Variants in DYRK3 observed in about 807,000 individuals in gnomAD.
DYRK3 encodes dual specificity tyrosine-phosphorylation-regulated kinase 3.
DYRK3 carries 30 observed loss-of-function variants against 40.8 expected under a neutral mutation model. The observed-to-expected ratio is 0.74, with a 90% CI of 0.55 to 1.00. DYRK3 has a LOEUF of 1.00. Among genes scored for constraint, DYRK3 ranks in the 50% least tolerant of loss-of-function variants. The probability of loss-of-function intolerance (pLI) is 0.00; values close to 1 mark genes in which losing one functional copy is unlikely to be tolerated. For missense variants in DYRK3, 699 were observed against 731.5 expected (o/e 0.96, Z 0.51); for synonymous variants, 272 against 260.7 (o/e 1.04, Z -0.42).
In DYRK3 at chr1:206,648,582, G is replaced by C. The variant is rs1553420781; in HGVS notation, c.1384G>C (p.Val462Leu). The C allele has an allele frequency of 1.2e-6, 2 of 1,614,026 alleles. No individual in the cohort carries two copies. Among genetic ancestry groups the C allele is most frequent in the African/African-American group, 2.7e-5 (2 of 74,910 alleles). The change falls in exon 3 of 3, where the codon GTT becomes CTT. Residue 462 changes from valine (V) to leucine (L), a missense_variant. Coordinates refer to ENST00000367109, the MANE Select transcript of DYRK3 (RefSeq NM_003582.4). ...CSVTTQADGR[V>L]VLVGGRSRRG... ...TGTGACTACCCAGGCAGATGGGAGG[G>C]TTGTGCTTGTGGGGGGTCGCTCACG...
At chr1:206,635,878 C>T in intron 1 of DYRK3, 98 bp downstream of exon 1, 1 of 1,259,992 alleles carries the variant, frequency 7.9e-7, no homozygotes, top group Non-Finnish European at 1.0e-6. Flanking sequence ...AGTGAGCCCT[C>T]AGTAGGAGGG....
rs1381953226 is a variant in DYRK3, at chr1:206,652,317, A to T, written c.*3352A>T. Among the ~76,000 whole-genome samples, 2 of 152,146 alleles carry T rather than the reference A, an allele frequency of 1.3e-5. No individual in the cohort carries two copies. The highest frequency in any genetic ancestry group is 1.9e-4 in the East Asian group (1 of 5,202). ...AGCATTACTACCCCATATGCATCTG[A>T]TGTACACTGTGTTTTGGTGTTTGTG... On this transcript the variant is annotated 3_prime_UTR_variant, in exon 3 of 3. Transcript: ENST00000367109.
In DYRK3 at chr1:206,651,316, A is replaced by G. The variant is rs1451785278; in HGVS notation, c.*2351A>G. On this transcript the variant is annotated 3_prime_UTR_variant, in exon 3 of 3. Transcript: ENST00000367109. The stretch of plus-strand genomic sequence containing the variant: ...ATGTCTGCTTCCCCGCATTAACCAC[A>G]TTGCGTAGGTTTGGGAATTTTGCAG... Among the ~76,000 whole-genome samples the G allele has an allele frequency of 5.3e-5, 8 of 152,202 alleles. No homozygotes were observed. Among genetic ancestry groups the G allele is most frequent in the Admixed American group, 3.3e-4 (5 of 15,276 alleles).
intron 2 of DYRK3, among the ~76,000 whole-genome samples, chr1:206,646,046 C>T (rs1310942886): frequency 1.3e-5 from 2 of 152,042 alleles, no homozygotes; most frequent in Non-Finnish European, 2.9e-5. Flanking sequence ...GACAGAGTTT[C>T]ACCATGTTGG....
chr1:206,644,854 A>G (rs535172002), intron 2 of DYRK3, among the ~76,000 whole-genome samples: 90 of 152,240 alleles, frequency 5.9e-4, no homozygotes, highest in African/African-American at 2.0e-3. Flanking sequence ...TTTAGATTCT[A>G]TATGTGGGCC....
Position 206,647,481 on chromosome 1 carries a change from A to C in DYRK3, c.283A>C (p.Arg95=). 6.2e-7 allele frequency: 1 copy of C among 1,614,228 alleles called. No individual in the cohort carries two copies. The highest frequency in any genetic ancestry group is 8.5e-7 in the Non-Finnish European group (1 of 1,180,048). ...ACAGCTGTTTCAAGAATTTGGCAAC[A>C]GAAAATCCAATACTATTCAGTCAGA... The part of the protein sequence containing the change: ...VEQLFQEFGN[R]KSNTIQSDGI... The change falls in exon 3 of 3, where the codon AGA becomes CGA. Residue 95 remains arginine, a synonymous_variant. Coordinates refer to ENST00000367109, the MANE Select transcript of DYRK3 (RefSeq NM_003582.4).
rs781972005 is a variant in DYRK3 at position 206,647,946 on chromosome 1, G to C, written c.748G>C (p.Ala250Pro). 6.2e-7 allele frequency: 1 copy of C among 1,614,138 alleles called. No homozygotes were observed. Among genetic ancestry groups the C allele is most frequent in the South Asian group, 1.1e-5 (1 of 91,074 alleles). The change falls in exon 3 of 3, where the codon GCA becomes CCA. Residue 250 changes from alanine (A) to proline (P), a missense_variant. Transcript: ENST00000367109. The part of the protein sequence containing the change: ...VRNEKRFHRQ[A>P]AEEIRILEHL... ...CAATGAGAAGCGCTTTCATCGTCAA[G>C]CAGCTGAGGAGATCCGGATTTTGGA...
chr1:206,639,727 T>C (rs1671228939), intron 2 of DYRK3, among the ~76,000 whole-genome samples: 1 of 151,828 alleles, frequency 6.6e-6, no homozygotes, highest in African/African-American at 2.4e-5. Flanking sequence ...CCCAAAGTGC[T>C]GGGATTACAG....
rs782463760 is a variant in DYRK3, at chr1:206,648,795, A to G, written c.1597A>G (p.Ile533Val). The G allele has an allele frequency of 3.7e-6, 6 of 1,614,080 alleles. No individual in the cohort carries two copies. Among genetic ancestry groups the G allele is most frequent in the Non-Finnish European group, 2.5e-6 (3 of 1,180,046 alleles). ...SKSVPRPLTTIDKVSGKRVVN... is the reference protein window; with the variant it reads ...SKSVPRPLTTVDKVSGKRVVN... ...GTCTGTCCCCAGACCTCTCACCACC[A>G]TAGACAAGGTGTCAGGGAAACGGGT... The change falls in exon 3 of 3, where the codon ATA becomes GTA. Residue 533 changes from isoleucine (I) to valine (V), a missense_variant. Physicochemically the swap from Ile to Val is conservative, Grantham distance 29. Coordinates refer to ENST00000367109, the MANE Select transcript of DYRK3 (RefSeq NM_003582.4).
At position 206,649,077 on chromosome 1, in the gene DYRK3, T is replaced by C; in HGVS notation, c.*112T>C. The C allele has an allele frequency of 8.4e-7, 1 of 1,186,994 alleles. No homozygotes were observed. The highest frequency in any genetic ancestry group is 1.7e-5 in the South Asian group (1 of 59,462). 73.5% of individuals were successfully genotyped at this position (1,186,994 alleles called of 1,614,324 possible). On this transcript the variant is annotated 3_prime_UTR_variant, in exon 3 of 3. Coordinates refer to ENST00000367109, the MANE Select transcript of DYRK3 (RefSeq NM_003582.4). ...GGATGTTTTTGTTAGAGTAGACTTT[T>C]TTTAAACAAGACAAAACATTTTTAT...
intron 2 of DYRK3, among the ~76,000 whole-genome samples, chr1:206,638,030 A>G (rs1244294043): frequency 6.6e-6 from 1 of 152,204 alleles, no homozygotes; most frequent in African/African-American, 2.4e-5. Context: ...TTATTTAGGT[A>G]ATGCTTATTT....
At chr1:206,643,715 T>C (rs1008349833) in intron 2 of DYRK3, among the ~76,000 whole-genome samples, 2 of 152,094 alleles carry the variant, frequency 1.3e-5, no homozygotes, top group African/African-American at 4.8e-5. Context: ...TGAAGGCCTA[T>C]TGTGGGGGCC....
intron 1 of DYRK3, chr1:206,636,754 A>G: frequency 1.9e-6 from 1 of 526,432 alleles, no homozygotes; most frequent in Non-Finnish European, 3.3e-6. Context: ...GTAAAATGAT[A>G]CAATGAAATG....
intron 2 of DYRK3, among the ~76,000 whole-genome samples, chr1:206,644,792 G>A (rs1316931653): frequency 6.6e-6 from 1 of 152,114 alleles, no homozygotes; most frequent in Admixed American, 6.5e-5. Context: ...CACCCGCCTC[G>A]GCCTTCCAAA....
chr1:206,645,255 A>G (rs186231152), intron 2 of DYRK3, among the ~76,000 whole-genome samples: 10 of 152,216 alleles, frequency 6.6e-5, no homozygotes, highest in Admixed American at 2.6e-4. Context: ...AGGTTTGACT[A>G]CTTTTTAGCT....
Position 206,649,853 on chromosome 1 carries a change from A to T in DYRK3, c.*888A>T, listed in dbSNP as rs1482931722. 6.6e-6 allele frequency among the ~76,000 whole-genome samples: 1 copy of T among 151,870 alleles called. No homozygotes were observed. The highest frequency in any genetic ancestry group is 1.9e-4 in the East Asian group (1 of 5,192). On this transcript the variant is annotated 3_prime_UTR_variant, in exon 3 of 3. Coordinates refer to ENST00000367109, the MANE Select transcript of DYRK3 (RefSeq NM_003582.4). Reference sequence around the variant, plus strand: ...GAATCTCTTCCTTATAAAAGTAATCACTCTCGGATAAACCTTACTACAGTT... The same window carrying T: ...GAATCTCTTCCTTATAAAAGTAATCTCTCTCGGATAAACCTTACTACAGTT...
Position 206,654,006 on chromosome 1 carries a change from T to C in DYRK3, c.*5041T>C, listed in dbSNP as rs1420558785. 6.6e-6 allele frequency among the ~76,000 whole-genome samples: 1 copy of C among 152,258 alleles called. No homozygotes were observed. The highest frequency in any genetic ancestry group is 1.5e-5 in the Non-Finnish European group (1 of 68,046). On this transcript the variant is annotated 3_prime_UTR_variant, in exon 3 of 3. Coordinates refer to ENST00000367109, the MANE Select transcript of DYRK3 (RefSeq NM_003582.4). Reference sequence around the variant, plus strand: ...TATTTCAATCTGTAGCAGCTGGTCATGTTAAAACACTTTCTGTTTTGCTTA... The same window carrying C: ...TATTTCAATCTGTAGCAGCTGGTCACGTTAAAACACTTTCTGTTTTGCTTA...
At chr1:206,635,825 G>A (rs1671087931) in intron 1 of DYRK3, 45 bp downstream of exon 1, 1 of 1,242,312 alleles carries the variant, frequency 8.0e-7, no homozygotes, top group African/African-American at 1.5e-5. Flanking sequence ...CACAGGGAGC[G>A]GCTGGCGCTG....
intron 2 of DYRK3, among the ~76,000 whole-genome samples, chr1:206,644,696 C>T (rs944235799): frequency 1.3e-5 from 2 of 152,156 alleles, no homozygotes; most frequent in Admixed American, 6.5e-5. Flanking sequence ...CGCGCCACTA[C>T]GCCTGGCTAA....
Sources: gnomAD v4.1 joint callset for allele counts (sites outside exome capture counted in the v4.1 genomes callset) on GRCh38, gnomAD v4.1.1 for gene constraint, MANE v1.5 for transcripts, NCBI Gene and HGNC (gene_info 2026-07-23, HGNC 2026-07-21) for gene names.